RPGRIP1: variants seen among roughly 807,000 people sequenced by gnomAD.
The protein encoded by RPGRIP1 is X-linked retinitis pigmentosa GTPase regulator-interacting protein 1.
In RPGRIP1, 128 loss-of-function variants were observed where a neutral mutation model predicts 157.9. The ratio of observed to expected loss-of-function variants is 0.81; its 90% confidence interval spans 0.70 to 0.94. RPGRIP1 has a LOEUF of 0.94. Among genes scored for constraint, RPGRIP1 ranks in the 40% least tolerant of loss-of-function variants. RPGRIP1 has a pLI of 0.00. For missense variants in RPGRIP1, 1,486 were observed against 1,545.8 expected, an observed-to-expected ratio of 0.96 and a Z score of 0.65; for synonymous variants, 554 against 571.6, an observed-to-expected ratio of 0.97 and a Z score of 0.44.
chr14:21,304,395 GAAAGAA>G (rs1881195270), intron 6 of RPGRIP1, among the ~76,000 whole-genome samples: 9 of 32,644 alleles, frequency 2.8e-4, no homozygotes, highest in South Asian at 9.8e-4. Flanking sequence ...GAGAGAGAAA[GAAAGAA>G]AGAAAGAAAG....
intron 18 of RPGRIP1, among the ~76,000 whole-genome samples, 165 bp downstream of exon 18, chr14:21,327,972 C>T (rs983379325): frequency 2.0e-5 from 3 of 152,128 alleles, no homozygotes; most frequent in Non-Finnish European, 4.4e-5. Context: ...AGTTCAAGAC[C>T]AGCCTGACCA....
At chr14:21,289,901 G>A (rs1192655497) in intron 2 of RPGRIP1, among the ~76,000 whole-genome samples, 2 of 151,946 alleles carry the variant, frequency 1.3e-5, no homozygotes, top group South Asian at 2.1e-4. Flanking sequence ...TTGTCACCTA[G>A]GCTGGAGTGC....
intron 8 of RPGRIP1, among the ~76,000 whole-genome samples, chr14:21,311,277 C>T (rs948666607): frequency 2.0e-5 from 3 of 152,188 alleles, no homozygotes; most frequent in Non-Finnish European, 2.9e-5. Flanking sequence ...AAGGGCCAGG[C>T]GCGGTGGCTC....
chr14:21,281,735 A>AATAATAATC (rs949267854), intron 1 of RPGRIP1, among the ~76,000 whole-genome samples: 15 of 147,632 alleles, frequency 1.0e-4, no homozygotes, highest in Non-Finnish European at 1.6e-4. Flanking sequence ...TAATAATAAT[A>AATAATAATC]ATCAGAGTAA....
chr14:21,317,818 G>T lies in RPGRIP1; in HGVS notation c.1274G>T (p.Arg425Ile). ...CTGGATGCTGAGCTGGAGGACAAGA[G>T]AAAAGTTTTACTTGAGCTGTCCAGG... ...DQLDAELEDK[R>I]KVLLELSREK... The change falls in exon 11 of 25, where the codon AGA becomes ATA. Residue 425 changes from arginine (R) to isoleucine (I), a missense_variant. Transcript: ENST00000400017. 1 of 1,606,694 alleles carries T rather than the reference G, an allele frequency of 6.2e-7. No individual in the cohort carries two copies.
intron 23 of RPGRIP1, 42 bp downstream of exon 23, chr14:21,345,239 G>C (rs758003915): frequency 2.1e-6 from 3 of 1,446,328 alleles, no homozygotes; most frequent in Non-Finnish European, 1.9e-6. Context: ...GAGATATTGA[G>C]ACAGAAATTC....
intron 13 of RPGRIP1, among the ~76,000 whole-genome samples, 163 bp from the exon 14 acceptor site, chr14:21,321,691 A>T (rs528195125): frequency 1.3e-5 from 2 of 152,304 alleles, no homozygotes; most frequent in East Asian, 3.9e-4. Context: ...ATGATAGCAC[A>T]ACTAGTCTTG....
intron 3 of RPGRIP1, among the ~76,000 whole-genome samples, chr14:21,299,176 C>T (rs1880921867): frequency 6.6e-6 from 1 of 151,874 alleles, no homozygotes; most frequent in East Asian, 1.9e-4. Flanking sequence ...CCACCACGTG[C>T]AGCTAATTAC....
chr14:21,334,735 G>A (rs752926756), intron 21 of RPGRIP1, 30 bp downstream of exon 21: 13 of 1,368,464 alleles, frequency 9.5e-6, no homozygotes, highest in South Asian at 2.5e-5. Context: ...CATTGCATAC[G>A]AGATAAGACG....
chr14:21,324,106 A>C, intron 14 of RPGRIP1: 1 of 173,340 alleles, frequency 5.8e-6, no homozygotes, highest in South Asian at 1.3e-4. Flanking sequence ...TTGAAACCAA[A>C]TTCTGAACAG....
rs533471221 is a variant in RPGRIP1, at chr14:21,330,369, C to T, written c.3220C>T (p.Pro1074Ser). ...CCATTCAGCACTGAAACAGAAGGAA[C>T]CTCTACATCCTGTAAATGGTATTGT... Reference protein sequence around the residue: ...LSHSALKQKEPLHPVNDKESS... With the variant: ...LSHSALKQKESLHPVNDKESS... Residue 1074 changes from proline to serine, a missense_variant, in exon 20 of 25, where the codon CCT becomes TCT. Coordinates refer to ENST00000400017, the MANE Select transcript of RPGRIP1 (RefSeq NM_020366.4). 1.5e-5 allele frequency: 23 copies of T among 1,532,096 alleles called. 1 individual carries two copies. In the East Asian group the frequency reaches 5.1e-4, roughly 34 times the overall value. The allele number at this position is 1,532,096 out of a possible 1,614,324, so 94.9% of individuals were successfully genotyped here.
intron 3 of RPGRIP1, among the ~76,000 whole-genome samples, chr14:21,295,132 C>G (rs1408838401): frequency 1.3e-5 from 2 of 152,040 alleles, no homozygotes; most frequent in Admixed American, 6.6e-5. Context: ...ATGCGAGCCA[C>G]TCTGCCCGGC....
intron 24 of RPGRIP1, among the ~76,000 whole-genome samples, chr14:21,350,271 C>A (rs145026908): frequency 1.3e-5 from 2 of 150,946 alleles, no homozygotes; most frequent in African/African-American, 4.9e-5. Flanking sequence ...CCCAGCTACT[C>A]GGAAGGATGA....
chr14:21,320,903 A>T (rs950627383), intron 12 of RPGRIP1, among the ~76,000 whole-genome samples: 1 of 152,162 alleles, frequency 6.6e-6, no homozygotes, highest in Non-Finnish European at 1.5e-5. Flanking sequence ...GCCCTGCTTG[A>T]GGACACTTTT....
intron 5 of RPGRIP1, 60 bp downstream of exon 5, chr14:21,302,644 A>G: frequency 1.9e-6 from 2 of 1,062,574 alleles, no homozygotes; most frequent in South Asian, 3.1e-5. Context: ...GAAAGACATC[A>G]TTTAGGGAAC....
chr14:21,310,028 T>TTTTTTTTACTAAAACTGAA (rs1163044504), intron 7 of RPGRIP1, among the ~76,000 whole-genome samples: 14 of 105,690 alleles, frequency 1.3e-4, no homozygotes, highest in South Asian at 3.5e-4. Flanking sequence ...GAGGTTGCAG[T>TTTTTTTTACTAAAACTGAA]GAGCCAAGAT....
At chr14:21,330,067 G>A (rs1023967921) in intron 19 of RPGRIP1, among the ~76,000 whole-genome samples, 182 bp from the exon 20 acceptor site, 5 of 151,378 alleles carry the variant, frequency 3.3e-5, no homozygotes, top group African/African-American at 4.8e-5. Flanking sequence ...GCAGTGAGCC[G>A]AGATGGTGCC....
Position 21,294,798 on chromosome 14 carries a change from T to C in RPGRIP1, c.207T>C (p.Asp69=), listed in dbSNP as rs757352536. 2 of 1,590,058 alleles carry C rather than the reference T, an allele frequency of 1.3e-6. No homozygotes were observed. The highest frequency in any genetic ancestry group is 8.6e-7 in the Non-Finnish European group (1 of 1,166,940). The part of the protein sequence containing the change: ...LVKELSWKQQ[D]EIKRLRTTLL... The stretch of plus-strand genomic sequence containing the variant: ...AGGAGCTTTCTTGGAAGCAACAGGA[T>C]GAGATCAAAAGGTACTTAGAGTTCT... The change falls in exon 3 of 25, where the codon GAT becomes GAC. Residue 69 remains aspartate, a synonymous_variant. Coordinates refer to ENST00000400017, the MANE Select transcript of RPGRIP1 (RefSeq NM_020366.4).
chr14:21,312,503 A>G lies in RPGRIP1; in HGVS notation c.1148A>G (p.Glu383Gly). 2.5e-6 allele frequency: 4 copies of G among 1,606,714 alleles called. No homozygotes were observed. Among genetic ancestry groups the G allele is most frequent in the African/African-American group, 1.3e-5 (1 of 74,904 alleles). The change falls in exon 10 of 25, where the codon GAA becomes GGA. Residue 383 changes from glutamate (E) to glycine (G), a missense_variant. By Grantham distance (98) the Glu-to-Gly change is moderately conservative (BLOSUM62 -2). Transcript: ENST00000400017. ...AATGACAATTATGACAAACTCTTAG[A>G]AAGGTGAGTACCACATTTGGGTCCC... is the stretch of plus-strand genomic sequence containing the variant. ...LLNDNYDKLLESMLDSSDSSS... is the reference protein window; with the variant it reads ...LLNDNYDKLLGSMLDSSDSSS...
Sources: allele counts gnomAD v4.1 joint callset (sites outside exome capture counted in the v4.1 genomes callset), GRCh38; gene constraint gnomAD v4.1.1; transcripts MANE v1.5; gene names NCBI Gene and HGNC (gene_info 2026-07-23, HGNC 2026-07-21).